USP36: variants seen among roughly 807,000 people sequenced by gnomAD.
USP36 encodes ubiquitin carboxyl-terminal hydrolase 36.
Under a neutral mutation model 111.5 loss-of-function variants are expected in USP36, and 59 were observed. The ratio of observed to expected loss-of-function variants is 0.53; its 90% CI spans 0.43 to 0.66. The LOEUF (loss-of-function observed/expected upper bound fraction) is 0.66, where lower values mean the gene tolerates loss of function less well. Ranked by LOEUF, USP36 falls within the 30% of genes least tolerant of loss-of-function variation. USP36 has a pLI of 0.00. For missense variants in USP36, 1,488 were observed against 1,468.0 expected (o/e 1.01, Z -0.22); for synonymous variants, 628 against 581.0 (o/e 1.08, Z -1.16).
At chr17:78,832,622 T>G (rs2068251454) in intron 4 of USP36, among the ~76,000 whole-genome samples, 1 of 152,172 alleles carries the variant, frequency 6.6e-6, no homozygotes, top group South Asian at 2.1e-4. Context: ...TTAACTAAAT[T>G]AATCCTCACA....
intron 6 of USP36, chr17:78,826,643 C>T (rs1046301479): frequency 6.1e-6 from 1 of 164,408 alleles, no homozygotes; most frequent in Non-Finnish European, 1.3e-5. Context: ...GCATTTCCTG[C>T]CTGTTTTCTT....
rs747662867 is a variant in USP36 at position 78,803,536 on chromosome 17, G to C, written c.2659C>G (p.Arg887Gly). 2 of 1,613,678 alleles carry C rather than the reference G, an allele frequency of 1.2e-6. No individual in the cohort carries two copies. Among genetic ancestry groups the C allele is most frequent in the East Asian group, 4.5e-5 (2 of 44,872 alleles). Residue 887 changes from arginine to glycine, a missense_variant, in exon 16 of 21, where the codon CGG (arginine) becomes GGG (glycine). Coordinates refer to ENST00000449938, the MANE Select transcript of USP36 (RefSeq NM_001385174.1). This position sits in a 1 kb window ranked among gnomAD's most constrained non-coding sequence, Gnocchi z 4.6. ...EGQAQLPAVR[R>G]QEDGTQPQVN... ...TGTGGCTGTGTGCCATCTTCCTGCC[G>C]TCTGACAGCGGGCAGCTGTGCCTGG...
At chr17:78,799,411 T>C (rs2093685924) in intron 18 of USP36, among the ~76,000 whole-genome samples, 1 of 152,146 alleles carries the variant, frequency 6.6e-6, no homozygotes. Flanking sequence ...AGACACAGCA[T>C]GTGTGGGGCT....
In USP36 at chr17:78,806,893, A is replaced by G. The variant is rs542318854; in HGVS notation, c.2085+66T>C. 640 of 1,572,344 alleles carry G rather than the reference A, an allele frequency of 4.1e-4. 1 individual carries two copies. The highest frequency in any genetic ancestry group is 5.2e-4 in the Non-Finnish European group (597 of 1,157,226). On this transcript the variant is annotated intron_variant, in intron 14 of 20. Coordinates refer to ENST00000449938, the MANE Select transcript of USP36 (RefSeq NM_001385174.1). Reference sequence around the variant, plus strand: ...CGGACAATGTTCTCACTCCCTTCAAACCACAACCAAGCAACTCTTGGAGCT... The same window carrying G: ...CGGACAATGTTCTCACTCCCTTCAAGCCACAACCAAGCAACTCTTGGAGCT...
In USP36 at chr17:78,803,507, C is replaced by T. The variant is rs1422886011; in HGVS notation, c.2688G>A (p.Val896=). ...TAACACATCCCACCTGCTGGCCATT[C>T]ACCTGTGGCTGTGTGCCATCTTCCT... ...RRQEDGTQPQ[V]NGQQVGCVTD... Residue 896 remains valine (V), a synonymous_variant, in exon 16 of 21, where the codon GTG becomes GTA. Transcript: ENST00000449938. This position sits in a 1 kb window ranked among gnomAD's most constrained non-coding sequence, Gnocchi z 4.6. 2 of 1,613,996 alleles carry T rather than the reference C, an allele frequency of 1.2e-6. No homozygotes were observed. Among genetic ancestry groups the T allele is most frequent in the South Asian group, 2.2e-5 (2 of 91,072 alleles).
In USP36 at chr17:78,798,640, AG is replaced by A; in HGVS notation, c.3241-90del. ...CATGCTGCATGCAGGTCCTGCACAC[AG>A]GCCGGGCTCTCATGAGCTCTCTGGA... is the stretch of plus-strand genomic sequence containing the variant. On this transcript the variant is annotated intron_variant, in intron 19 of 20. Coordinates refer to ENST00000449938, the MANE Select transcript of USP36 (RefSeq NM_001385174.1). The surrounding 1 kb of genome is among the most constrained non-coding windows in gnomAD (Gnocchi z 5.1). The A allele has an allele frequency of 6.3e-7, 1 of 1,579,912 alleles. No individual in the cohort carries two copies. The highest frequency in any genetic ancestry group is 8.6e-7 in the Non-Finnish European group (1 of 1,166,860).
intron 15 of USP36, 52 bp downstream of exon 15, chr17:78,806,104 C>A (rs1241295261): frequency 6.2e-7 from 1 of 1,609,702 alleles, no homozygotes; most frequent in Middle Eastern, 2.1e-4. Flanking sequence ...CAAGCACACG[C>A]AACCACAGGG....
Position 78,825,212 on chromosome 17 carries a change from A to G in USP36, c.689+2033T>C, listed in dbSNP as rs560968879. On this transcript the variant is annotated intron_variant, in intron 6 of 20. Coordinates refer to ENST00000449938, the MANE Select transcript of USP36 (RefSeq NM_001385174.1). ...AGCCACCGCCAAGCATGCAGGAAAC[A>G]TTCACAAACGCTGGTCACCTATAAT... Among the ~76,000 whole-genome samples the G allele has an allele frequency of 6.6e-5, 10 of 152,334 alleles. No homozygotes were observed. In the East Asian group the frequency reaches 1.5e-3, roughly 23 times the overall value.
intron 1 of USP36, among the ~76,000 whole-genome samples, chr17:78,839,822 T>A (rs935393834): frequency 6.6e-6 from 1 of 152,094 alleles, no homozygotes; most frequent in Admixed American, 6.5e-5. Flanking sequence ...GCACACACCA[T>A]CCACACTCTA....
In USP36 at chr17:78,802,312, C is replaced by A; in HGVS notation, c.3022+12G>T. On this transcript the variant is annotated intron_variant, in intron 17 of 20. Transcript: ENST00000449938. ...CACCCATGCGGTTCCCACCCCCTCG[C>A]CCGGTGCATACCCATGCGGTCCCCA... 1.3e-6 allele frequency: 2 copies of A among 1,557,564 alleles called. No individual in the cohort carries two copies. Among genetic ancestry groups the A allele is most frequent in the Non-Finnish European group, 1.7e-6 (2 of 1,151,358 alleles).
rs1458067106 is a variant in USP36, at chr17:78,803,962, G to A, written c.2233C>T (p.Pro745Ser). The change falls in exon 16 of 21, where the codon CCC (proline) becomes TCC (serine). Residue 745 changes from proline (P) to serine (S), a missense_variant. Transcript: ENST00000449938. The surrounding 1 kb of genome is among the most constrained non-coding windows in gnomAD (Gnocchi z 4.6). The part of the protein sequence containing the change: ...VHRARAVSPA[P>S]QSSSRLQPPF... Reference sequence around the variant, plus strand: ...GGTTGCAGGCGGCTGGATGATTGGGGAGCAGGTGACACAGCCCTGTGGGGA... The same window carrying A: ...GGTTGCAGGCGGCTGGATGATTGGGAAGCAGGTGACACAGCCCTGTGGGGA... 5.6e-6 allele frequency: 9 copies of A among 1,597,608 alleles called. No individual in the cohort carries two copies. The highest frequency in any genetic ancestry group is 1.7e-5 in the Admixed American group (1 of 59,622).
intron 6 of USP36, chr17:78,823,284 C>T (rs923259412): frequency 5.0e-6 from 2 of 398,170 alleles, no homozygotes; most frequent in Non-Finnish European, 8.9e-6. Flanking sequence ...GACGTAATCT[C>T]TGCATGGACT....
At position 78,798,150 on chromosome 17, in the gene USP36, A is replaced by G. The variant is rs183133682; in HGVS notation, c.*20+250T>C. 188 of 507,462 alleles carry G rather than the reference A, an allele frequency of 3.7e-4. No homozygotes were observed. The East Asian group carries it at 5.7e-3, about 15-fold the overall frequency. 31.4% of individuals were successfully genotyped at this position (507,462 alleles called of 1,614,324 possible). Reference sequence around the variant, plus strand: ...ACACCCCACACCCAACACACACTACACACACCCCCTTATACACACGCATCC... The same window carrying G: ...ACACCCCACACCCAACACACACTACGCACACCCCCTTATACACACGCATCC... On this transcript the variant is annotated intron_variant, in intron 20 of 20. Coordinates refer to ENST00000449938, the MANE Select transcript of USP36 (RefSeq NM_001385174.1). The surrounding 1 kb of genome is among the most constrained non-coding windows in gnomAD (Gnocchi z 5.1).
chr17:78,799,783 G>C lies in USP36; in HGVS notation c.3023-15C>G, dbSNP rs1358769613. ...CTGGCTCAGCCCTGCAATCGGAGCA[G>C]CCAAGAAACATTTACAGACGTTTAA... On this transcript the variant is annotated splice_polypyrimidine_tract_variant and intron_variant, in intron 17 of 20. Transcript: ENST00000449938. 1 of 1,575,164 alleles carries C rather than the reference G, an allele frequency of 6.3e-7. No homozygotes were observed. The highest frequency in any genetic ancestry group is 8.6e-7 in the Non-Finnish European group (1 of 1,163,744).
At chr17:78,816,297 C>G (rs899292906) in intron 10 of USP36, among the ~76,000 whole-genome samples, 3 of 151,916 alleles carry the variant, frequency 2.0e-5, no homozygotes, top group Admixed American at 6.6e-5. Flanking sequence ...GTAGCTGGGA[C>G]TATAGGCACG....
intron 15 of USP36, among the ~76,000 whole-genome samples, chr17:78,805,565 G>C (rs2093875774): frequency 6.6e-6 from 1 of 152,142 alleles, no homozygotes; most frequent in Non-Finnish European, 1.5e-5. Flanking sequence ...CTTCCAGACA[G>C]CCATTTACCA....
Position 78,807,201 on chromosome 17 carries a change from G to GGCTGGAGCT in USP36, c.1834_1842dup (p.Ser612_Ser614dup). 6.2e-7 allele frequency: 1 copy of GGCTGGAGCT among 1,614,112 alleles called. No individual in the cohort carries two copies. The highest frequency in any genetic ancestry group is 8.5e-7 in the Non-Finnish European group (1 of 1,180,004). On this transcript the variant is annotated inframe_insertion, in exon 14 of 21. Transcript: ENST00000449938. ...GAGTCGCTGCTGGCCGAGTGCTCTG[G>GGCTGGAGCT]GCTGGAGCTGCTGGAGCCCCTCCTG...
intron 2 of USP36, among the ~76,000 whole-genome samples, chr17:78,838,371 C>CAAAAAAAAAAAAAAAAAAAAA (rs1195525371): frequency 1.7e-5 from 1 of 58,472 alleles, no homozygotes; most frequent in African/African-American, 5.8e-5. Flanking sequence ...GACTTGGTCT[C>CAAAAAAAAAAAAAAAAAAAAA]AAAAAAAAAA....
chr17:78,816,905 C>A (rs1212047947), intron 10 of USP36, among the ~76,000 whole-genome samples: 1 of 152,152 alleles, frequency 6.6e-6, no homozygotes, highest in Non-Finnish European at 1.5e-5. Context: ...TTCCCACATC[C>A]CAGTCATTGC....
Sources: gnomAD v4.1 joint callset for allele counts (sites outside exome capture counted in the v4.1 genomes callset) on GRCh38, gnomAD v4.1.1 for gene constraint, Gnocchi (gnomAD v3.1) non-coding constraint, MANE v1.5 for transcripts, NCBI Gene and HGNC (gene_info 2026-07-23, HGNC 2026-07-21) for gene names.